FAT1: variants seen among roughly 807,000 people sequenced by gnomAD.
The protein encoded by FAT1 is FAT atypical cadherin 1.
A neutral mutation model predicts 329.8 loss-of-function variants in FAT1; 171 were observed. The ratio of observed to expected loss-of-function variants is 0.52; its 90% CI spans 0.46 to 0.59. FAT1 has a LOEUF of 0.59. Among genes scored for constraint, FAT1 ranks in the 20% least tolerant of loss-of-function variants. The pLI is 0.00. For synonymous variants in FAT1, 2,233 were observed against 2,228.6 expected (o/e 1.00, Z -0.06); for missense variants, 5,672 against 5,774.4 (o/e 0.98, Z 0.57).
chr4:186,664,594 T>C (rs1341115881), intron 2 of FAT1, among the ~76,000 whole-genome samples: 2 of 152,214 alleles, frequency 1.3e-5, no homozygotes, highest in Non-Finnish European at 2.9e-5. Flanking sequence ...GTCCAGCCAC[T>C]GAAACCAGTC....
chr4:186,682,758 C>T (rs1382200273), intron 2 of FAT1, among the ~76,000 whole-genome samples: 3 of 152,320 alleles, frequency 2.0e-5, no homozygotes, highest in South Asian at 4.1e-4. Flanking sequence ...GGCAGCCCGG[C>T]AGATCAGAGG....
intron 26 of FAT1, among the ~76,000 whole-genome samples, chr4:186,594,697 T>TATAC (rs1738417779): frequency 7.0e-6 from 1 of 143,830 alleles, no homozygotes; most frequent in South Asian, 2.2e-4. Flanking sequence ...TATATATATA[T>TATAC]ATACTTGAAA....
chr4:186,592,820 T>G (rs1225627619), intron 26 of FAT1: 3 of 455,304 alleles, frequency 6.6e-6, no homozygotes, highest in African/African-American at 2.0e-5. Flanking sequence ...GTGCATGAAA[T>G]AAAGTTTTGT....
chr4:186,686,477 T>C (rs1486886767), intron 2 of FAT1, among the ~76,000 whole-genome samples: 1 of 152,186 alleles, frequency 6.6e-6, no homozygotes, highest in Non-Finnish European at 1.5e-5. Flanking sequence ...AATATAGTAA[T>C]CTCAACATCT....
intron 2 of FAT1, among the ~76,000 whole-genome samples, chr4:186,691,700 C>A (rs1223861505): frequency 1.3e-5 from 2 of 152,114 alleles, no homozygotes; most frequent in African/African-American, 4.8e-5. Flanking sequence ...CCCAGCTACT[C>A]AGGAGGCTGT....
At chr4:186,692,345 C>T (rs545743249) in intron 2 of FAT1, among the ~76,000 whole-genome samples, 26 of 151,850 alleles carry the variant, frequency 1.7e-4, no homozygotes, top group Non-Finnish European at 1.2e-4. Context: ...CGGAGTCTCG[C>T]TCTGTCGCCC....
rs2126618816 is a variant in FAT1, at chr4:186,663,595, T to C, written c.3284A>G (p.Asp1095Gly). The C allele has an allele frequency of 6.2e-7, 1 of 1,608,506 alleles. No homozygotes were observed. Among genetic ancestry groups the C allele is most frequent in the Non-Finnish European group, 8.5e-7 (1 of 1,179,502 alleles). The stretch of plus-strand genomic sequence containing the variant: ...GGAGGTCGATTCACGGTCCAGTCGA[T>C]CTGACGTCTCTATGACACCTACAGA... ...GEETGVIETS[D>G]RLDRESTSHY... The change falls in exon 3 of 27, where the codon GAT (aspartate) becomes GGT (glycine). Residue 1095 changes from aspartate (D) to glycine (G), a missense_variant. Around this residue, in one of 2 missense-constraint regions of FAT1, gnomAD observed 3,966 missense variants for 3,915.2 expected, o/e 1.01. Transcript: ENST00000441802.
intron 5 of FAT1, 120 bp downstream of exon 5, chr4:186,636,465 A>T: frequency 9.2e-7 from 1 of 1,089,174 alleles, no homozygotes; most frequent in Non-Finnish European, 1.3e-6. Context: ...TAATGGGGCC[A>T]GCAGGTCACA....
intron 2 of FAT1, among the ~76,000 whole-genome samples, chr4:186,677,996 T>G (rs1390415405): frequency 6.6e-6 from 1 of 152,226 alleles, no homozygotes; most frequent in Non-Finnish European, 1.5e-5. Context: ...ATCTCTGTCC[T>G]TAACTTTCTC....
In FAT1 at chr4:186,588,725, G is replaced by A; in HGVS notation, c.13634C>T (p.Ser4545Phe). 6.2e-7 allele frequency: 1 copy of A among 1,614,014 alleles called. No individual in the cohort carries two copies. Residue 4545 changes from serine (S) to phenylalanine (F), a missense_variant, in exon 27 of 27, where the codon TCC (serine) becomes TTC (phenylalanine). Ser to Phe is a radical substitution (Grantham distance 155). This residue lies in a region of FAT1 where 1,706 missense variants were observed against 1,859.1 expected (regional missense o/e 0.92). Transcript: ENST00000441802. ...MPMSVYASTA[S>F]CSDVSACCEV... ...GCAGCAGGCTGACACGTCAGAGCAG[G>A]AGGCGGTGGAGGCGTACACAGACAT...
In FAT1 at chr4:186,590,005, A is replaced by C. The variant is rs572613852; in HGVS notation, c.13139-785T>G. 2.0e-5 allele frequency among the ~76,000 whole-genome samples: 3 copies of C among 152,306 alleles called. No homozygotes were observed. In the East Asian group the frequency reaches 5.8e-4, roughly 29 times the overall value. Reference sequence around the variant, plus strand: ...ATCAAAGCATGCCAATTCAAGCAAAATACAATTGAACAAGCGTTGCAAGAT... The same window carrying C: ...ATCAAAGCATGCCAATTCAAGCAAACTACAATTGAACAAGCGTTGCAAGAT... On this transcript the variant is annotated intron_variant, in intron 26 of 26. Coordinates refer to ENST00000441802, the MANE Select transcript of FAT1 (RefSeq NM_005245.4).
Position 186,621,070 on chromosome 4 carries a change from T to C in FAT1, c.5516A>G (p.Glu1839Gly), listed in dbSNP as rs554507041. The C allele has an allele frequency of 8.1e-6, 13 of 1,613,406 alleles. No homozygotes were observed. The highest frequency in any genetic ancestry group is 2.2e-5 in the East Asian group (1 of 44,892). Residue 1839 changes from glutamate to glycine, a missense_variant, in exon 10 of 27, where the codon GAA becomes GGA. Glu to Gly is a moderately conservative substitution (Grantham distance 98, BLOSUM62 -2). This residue lies in a region of FAT1 where 3,966 missense variants were observed against 3,915.2 expected (regional missense o/e 1.01). Coordinates refer to ENST00000441802, the MANE Select transcript of FAT1 (RefSeq NM_005245.4). ...IHTVLSLDYE[E>G]TSIFHFTVQV... ...GACGGTAAAGTGAAAAATACTTGTT[T>C]CTTCATAGTCCAGACTTAGTACTGT...
rs1738882432 is a variant in FAT1 at position 186,602,898 on chromosome 4, C to G, written c.11482+5G>C. ...TAAAAGTATACCCAACCATTCAACTCTCACCTGGGCACTGACCAAACCTGC... is the reference window on the plus strand; with the variant it reads ...TAAAAGTATACCCAACCATTCAACTGTCACCTGGGCACTGACCAAACCTGC... On this transcript the variant is annotated splice_donor_5th_base_variant and intron_variant, in intron 20 of 26. Transcript: ENST00000441802. The G allele has an allele frequency of 1.2e-6, 2 of 1,610,976 alleles. No homozygotes were observed. The highest frequency in any genetic ancestry group is 1.7e-6 in the Non-Finnish European group (2 of 1,178,306).
In FAT1 at chr4:186,676,278, G is replaced by GA. The variant is rs11331148; in HGVS notation, c.3266-12666dup. Reference sequence around the variant, plus strand: ...AAAAATAAATGTCAATTCATTTTGTGAAAAAAAAAAACAAAAAAAAACAGG... The same window carrying GA: ...AAAAATAAATGTCAATTCATTTTGTGAAAAAAAAAAAACAAAAAAAAACAGG... On this transcript the variant is annotated intron_variant, in intron 2 of 26. Transcript: ENST00000441802. Among the ~76,000 whole-genome samples, 301 of 125,352 alleles carry GA rather than the reference G, an allele frequency of 2.4e-3. 1 individual carries two copies. Among genetic ancestry groups the GA allele is most frequent in the South Asian group, 0.01 (42 of 4,034 alleles). 82.2% of individuals were successfully genotyped at this position (125,352 alleles called of 152,430 possible).
At chr4:186,610,691 T>TA (rs1330465859) in intron 14 of FAT1, among the ~76,000 whole-genome samples, 5 of 65,392 alleles carry the variant, frequency 7.6e-5, no homozygotes, top group Non-Finnish European at 1.1e-4. Context: ...ATAAATTATA[T>TA]AATTTATATA....
Position 186,645,705 on chromosome 4 carries a change from G to A in FAT1, c.3581-5922C>T, listed in dbSNP as rs1234273443. Among the ~76,000 whole-genome samples, 3 of 151,726 alleles carry A rather than the reference G, an allele frequency of 2.0e-5. No individual in the cohort carries two copies. In the East Asian group the frequency reaches 5.9e-4, roughly 30 times the overall value. On this transcript the variant is annotated intron_variant, in intron 3 of 26. Coordinates refer to ENST00000441802, the MANE Select transcript of FAT1 (RefSeq NM_005245.4). The stretch of plus-strand genomic sequence containing the variant: ...TGGATGGCATAATCCCAGCACTCTG[G>A]GAGGCCAAGGCAGGTGAATCACTTG...
Position 186,618,817 on chromosome 4 carries a change from T to C in FAT1, c.7769A>G (p.Asn2590Ser), listed in dbSNP as rs201116015. The C allele has an allele frequency of 7.4e-5, 120 of 1,613,914 alleles. 1 individual carries two copies. Among genetic ancestry groups the C allele is most frequent in the Non-Finnish European group, 9.2e-5 (108 of 1,179,888 alleles). ...CTVNVILTDD[N>S]DNAPQFRATK... The stretch of plus-strand genomic sequence containing the variant: ...TGCTCGAAATTGTGGTGCATTGTCA[T>C]TGTCATCTGTAAGGATGACATTCAC... The change falls in exon 10 of 27, where the codon AAT (asparagine) becomes AGT (serine). Residue 2590 changes from asparagine (N) to serine (S), a missense_variant. Coordinates refer to ENST00000441802, the MANE Select transcript of FAT1 (RefSeq NM_005245.4).
chr4:186,628,049 G>T, intron 9 of FAT1, 105 bp downstream of exon 9: 1 of 1,194,338 alleles, frequency 8.4e-7, no homozygotes, highest in Non-Finnish European at 1.2e-6. Context: ...AGCCATTTTT[G>T]CAGATACATA....
chr4:186,610,544 T>A lies in FAT1; in HGVS notation c.9854-529A>T, dbSNP rs58931552. On this transcript the variant is annotated intron_variant, in intron 14 of 26. Coordinates refer to ENST00000441802, the MANE Select transcript of FAT1 (RefSeq NM_005245.4). ...TTCCTTTTAACATCTTTCACATCAT[T>A]CTAGTCCTAAAGAGCCCTAAAAATA... 5.4e-3 allele frequency among the ~76,000 whole-genome samples: 801 copies of A among 147,100 alleles called. 8 individuals carry two copies. Among genetic ancestry groups the A allele is most frequent in the African/African-American group, 0.019 (747 of 39,854 alleles).
Sources: allele counts gnomAD v4.1 joint callset (sites outside exome capture counted in the v4.1 genomes callset), GRCh38; gene constraint gnomAD v4.1.1; regional missense constraint gnomAD v4.1.1; transcripts MANE v1.5; gene names NCBI Gene and HGNC (gene_info 2026-07-23, HGNC 2026-07-21).